Variants in CIT observed in about 807,000 individuals in gnomAD.
CIT encodes citron rho-interacting serine/threonine kinase.
A neutral mutation model predicts 272.7 loss-of-function variants in CIT; 79 were observed. The observed-to-expected ratio is 0.29, with a 90% CI of 0.24 to 0.35. CIT has a LOEUF of 0.35. Ranked by LOEUF, CIT falls within the 10% of genes least tolerant of loss-of-function variation. The probability of loss-of-function intolerance (pLI) is 1.00; values close to 1 mark genes in which losing one functional copy is unlikely to be tolerated. For synonymous variants in CIT, 948 were observed against 995.6 expected, an observed-to-expected ratio of 0.95 and a Z score of 0.90; for missense variants, 1,909 against 2,618.3, an observed-to-expected ratio of 0.73 and a Z score of 5.91.
At position 119,814,929 on chromosome 12, in the gene CIT, G is replaced by A. The variant is rs569852461; in HGVS notation, c.1111+7891C>T. ...GGCGCATGCCTGTAATCCCAGCTGC[G>A]TGGGAGGCTGAGGCAGGAGAATTGC... On this transcript the variant is annotated intron_variant, in intron 9 of 47. Coordinates refer to ENST00000392521, the MANE Select transcript of CIT (RefSeq NM_001206999.2). Among the ~76,000 whole-genome samples the A allele has an allele frequency of 7.9e-5, 12 of 151,516 alleles. No homozygotes were observed. In the East Asian group the frequency reaches 1.6e-3, roughly 20 times the overall value.
intron 4 of CIT, among the ~76,000 whole-genome samples, chr12:119,853,929 G>A (rs541676187): frequency 2.6e-5 from 4 of 152,170 alleles, no homozygotes; most frequent in South Asian, 2.1e-4. Context: ...GCTCATGCCT[G>A]TAATCCCAAC....
At chr12:119,776,885 G>T (rs376797205) in intron 13 of CIT, 43 bp from the exon 14 acceptor site, 1 of 1,589,836 alleles carries the variant, frequency 6.3e-7, no homozygotes. Context: ...TTCGAACTCC[G>T]AAAAGAATAG....
intron 20 of CIT, among the ~76,000 whole-genome samples, chr12:119,759,188 T>C (rs1420290324): frequency 6.6e-6 from 1 of 152,212 alleles, no homozygotes; most frequent in Non-Finnish European, 1.5e-5. Flanking sequence ...GTCTGCCACC[T>C]GTTATGAACC....
intron 5 of CIT, among the ~76,000 whole-genome samples, chr12:119,840,646 CAAGG>C (rs1969347738): frequency 6.6e-6 from 1 of 152,168 alleles, no homozygotes; most frequent in Admixed American, 6.5e-5. Context: ...AGAGACCAAA[CAAGG>C]AATGGTAATA....
intron 6 of CIT, 26 bp downstream of exon 6, chr12:119,834,060 A>C: frequency 6.3e-7 from 1 of 1,585,284 alleles, no homozygotes; most frequent in East Asian, 2.3e-5. Flanking sequence ...TCCTCAGCAT[A>C]AAAATGCTAC....
In CIT at chr12:119,876,298, A is replaced by G. The variant is rs561708958; in HGVS notation, c.-13-117T>C. On this transcript the variant is annotated intron_variant, in intron 1 of 47. Transcript: ENST00000392521. ...GGAGGTGAAAATCAGCTACCACTCC[A>G]GTTTTAGGAAGCTCAGTCTAATCAT... is the stretch of plus-strand genomic sequence containing the variant. The G allele has an allele frequency of 8.3e-6, 5 of 603,624 alleles. No homozygotes were observed. The South Asian group carries it at 1.0e-4, about 12-fold the overall frequency. The allele number at this position is 603,624 out of a possible 1,614,324, so 37.4% of individuals were successfully genotyped here.
At chr12:119,857,073 C>T (rs1950193121) in intron 4 of CIT, among the ~76,000 whole-genome samples, 1 of 152,182 alleles carries the variant, frequency 6.6e-6, no homozygotes, top group Non-Finnish European at 1.5e-5. Context: ...CTCAAACAAG[C>T]AACTCCCTAG....
intron 5 of CIT, among the ~76,000 whole-genome samples, chr12:119,838,827 G>C (rs1247073369): frequency 6.6e-6 from 1 of 152,170 alleles, no homozygotes; most frequent in African/African-American, 2.4e-5. Flanking sequence ...GACTGGAGAT[G>C]TCTCCTGCAC....
chr12:119,758,741 A>T (rs767112916), intron 20 of CIT, 41 bp from the exon 21 acceptor site: 1 of 1,300,678 alleles, frequency 7.7e-7, no homozygotes, highest in Non-Finnish European at 1.1e-6. Context: ...ACACCAGAAC[A>T]GGAGTAACAG....
rs146578405 is a variant in CIT at position 119,704,982 on chromosome 12, G to A, written c.5212-527C>T. Among the ~76,000 whole-genome samples, 421 of 152,170 alleles carry A rather than the reference G, an allele frequency of 2.8e-3. 2 individuals carry two copies. The highest frequency in any genetic ancestry group is 9.4e-3 in the African/African-American group (390 of 41,522). The stretch of plus-strand genomic sequence containing the variant: ...GGCTGGAGTGCAGTGGCATGATCTC[G>A]GCTCACTGCAGCCTCCACCTCCCGG... On this transcript the variant is annotated intron_variant, in intron 40 of 47. Coordinates refer to ENST00000392521, the MANE Select transcript of CIT (RefSeq NM_001206999.2).
chr12:119,754,669 T>A (rs1467926356), intron 22 of CIT, among the ~76,000 whole-genome samples: 1 of 152,168 alleles, frequency 6.6e-6, no homozygotes, highest in African/African-American at 2.4e-5. Context: ...CTGCCCTCAA[T>A]CTCAGTAGCA....
At chr12:119,782,372 G>A (rs757429560) in intron 13 of CIT, 146 bp downstream of exon 13, 7 of 780,702 alleles carry the variant, frequency 9.0e-6, no homozygotes, top group Non-Finnish European at 1.4e-5. Context: ...GTTTCTGAAT[G>A]ACCTACATAC....
intron 22 of CIT, among the ~76,000 whole-genome samples, chr12:119,754,142 C>G (rs1009957053): frequency 3.9e-5 from 6 of 152,132 alleles, no homozygotes; most frequent in African/African-American, 1.4e-4. Flanking sequence ...ATTTTCAGAA[C>G]AACTCACTAA....
At chr12:119,764,788 A>C (rs1423084505) in intron 19 of CIT, among the ~76,000 whole-genome samples, 1 of 152,106 alleles carries the variant, frequency 6.6e-6, no homozygotes, top group Non-Finnish European at 1.5e-5. Context: ...GATCTAACTG[A>C]TGCCCAATCA....
At chr12:119,853,438 G>GTTTTGTTTTGTTTTGT (rs113188451) in intron 4 of CIT, among the ~76,000 whole-genome samples, 65 of 151,402 alleles carry the variant, frequency 4.3e-4, no homozygotes, top group South Asian at 8.3e-4. Flanking sequence ...TTGTTTGTTT[G>GTTTTGTTTTGTTTTGT]TTTGTTTTGT....
At chr12:119,798,215 C>T (rs574395098) in intron 10 of CIT, among the ~76,000 whole-genome samples, 1 of 152,290 alleles carries the variant, frequency 6.6e-6, no homozygotes, top group East Asian at 1.9e-4. Flanking sequence ...GCATTTAGAC[C>T]TGCCTGTCAG....
chr12:119,784,037 C>A lies in CIT; in HGVS notation c.1416G>T (p.Met472Ile), dbSNP rs1030262522. 1 of 1,612,022 alleles carries A rather than the reference C, an allele frequency of 6.2e-7. No homozygotes were observed. Among genetic ancestry groups the A allele is most frequent in the South Asian group, 1.1e-5 (1 of 90,584 alleles). The change falls in exon 12 of 48, where the codon ATG (methionine) becomes ATT (isoleucine). Residue 472 changes from methionine to isoleucine, a missense_variant. Coordinates refer to ENST00000392521, the MANE Select transcript of CIT (RefSeq NM_001206999.2). This position sits in a 1 kb window ranked among gnomAD's most constrained non-coding sequence, Gnocchi z 4.7. Reference sequence around the variant, plus strand: ...CTGACACTCTCCGATGTAACCGGGTCATTTCCTGCTCCATCTGAAATAAAC... The same window carrying A: ...CTGACACTCTCCGATGTAACCGGGTAATTTCCTGCTCCATCTGAAATAAAC... ...QDKCHKMEQE[M>I]TRLHRRVSEV...
chr12:119,798,356 A>G (rs1156794871), intron 10 of CIT, among the ~76,000 whole-genome samples: 1 of 152,206 alleles, frequency 6.6e-6, no homozygotes, highest in Admixed American at 6.5e-5. Context: ...ACAGGGTTCA[A>G]ATCTCAGCTA....
At chr12:119,774,295 T>A (rs1397093232) in intron 16 of CIT, among the ~76,000 whole-genome samples, 1 of 152,090 alleles carries the variant, frequency 6.6e-6, no homozygotes, top group Admixed American at 6.5e-5. Flanking sequence ...GGTTTTTTTT[T>A]TTACCACAAT....
Sources: gnomAD v4.1 joint callset for allele counts (sites outside exome capture counted in the v4.1 genomes callset) on GRCh38, gnomAD v4.1.1 for gene constraint, Gnocchi (gnomAD v3.1) non-coding constraint, MANE v1.5 for transcripts, NCBI Gene and HGNC (gene_info 2026-07-23, HGNC 2026-07-21) for gene names.